Variants in SYN3 observed in about 807,000 individuals in gnomAD.
The protein encoded by SYN3 is synapsin III, also known as synapsin-3.
Under a neutral mutation model 65.8 loss-of-function variants are expected in SYN3, and 35 were observed. The observed-to-expected ratio is 0.53, with a 90% CI of 0.41 to 0.70. The LOEUF (loss-of-function observed/expected upper bound fraction) is 0.70, where lower values mean the gene tolerates loss of function less well. Among genes scored for constraint, SYN3 ranks in the 30% least tolerant of loss-of-function variants. SYN3 has a pLI of 0.00. For missense variants in SYN3, 680 were observed against 749.0 expected (o/e 0.91, Z 1.08); for synonymous variants, 270 against 292.9 (o/e 0.92, Z 0.80).
intron 6 of SYN3, among the ~76,000 whole-genome samples, chr22:32,717,326 T>C (rs904021577): frequency 5.3e-5 from 8 of 152,122 alleles, no homozygotes; most frequent in African/African-American, 1.7e-4. Flanking sequence ...GTCTCCTGGG[T>C]AGATGAAGGC....
intron 4 of SYN3, among the ~76,000 whole-genome samples, chr22:32,890,680 G>A (rs1273447518): frequency 3.3e-5 from 5 of 151,958 alleles, no homozygotes; most frequent in Non-Finnish European, 4.4e-5. Context: ...GCGCCCGGCC[G>A]ATTTAGCACA....
intron 7 of SYN3, among the ~76,000 whole-genome samples, chr22:32,568,726 T>C (rs560793437): frequency 3.9e-5 from 6 of 152,176 alleles, no homozygotes; most frequent in South Asian, 2.1e-4. Flanking sequence ...GGTAGGACTT[T>C]AGCATATAAC....
At chr22:33,019,651 TG>T (rs1411918280) in intron 1 of SYN3, among the ~76,000 whole-genome samples, 1 of 152,208 alleles carries the variant, frequency 6.6e-6, no homozygotes, top group African/African-American at 2.4e-5. Context: ...TGTTGTTGTT[TG>T]TTTTTGGTTT....
chr22:32,596,826 C>A, intron 6 of SYN3, 90 bp from the exon 7 acceptor site: 1 of 1,318,104 alleles, frequency 7.6e-7, no homozygotes. Flanking sequence ...AAGATCCATT[C>A]ATTTCATATG....
chr22:32,566,793 A>G (rs2058677509), intron 7 of SYN3, among the ~76,000 whole-genome samples: 1 of 152,184 alleles, frequency 6.6e-6, no homozygotes, highest in African/African-American at 2.4e-5. Context: ...TCAAATCTAA[A>G]TGAGACTTGA....
chr22:32,513,901 T>G, intron 13 of SYN3, 77 bp from the exon 14 acceptor site: 1 of 1,573,212 alleles, frequency 6.4e-7, no homozygotes, highest in Non-Finnish European at 8.7e-7. Context: ...GGCTTGCCTG[T>G]AAGCCAGATG....
At chr22:32,983,126 C>T (rs921566809) in intron 2 of SYN3, among the ~76,000 whole-genome samples, 21 of 152,126 alleles carry the variant, frequency 1.4e-4, no homozygotes, top group Admixed American at 1.2e-3. Flanking sequence ...GTGAACTGAG[C>T]ATTGTGTTAA....
chr22:32,644,071 C>A (rs2059946201), intron 6 of SYN3, among the ~76,000 whole-genome samples: 1 of 38,058 alleles, frequency 2.6e-5, no homozygotes, highest in Non-Finnish European at 4.2e-5. Context: ...GAGACTCTGC[C>A]TCAAAAAAAA....
chr22:32,919,093 C>A (rs543796395), intron 4 of SYN3, among the ~76,000 whole-genome samples: 2 of 152,292 alleles, frequency 1.3e-5, no homozygotes, highest in Admixed American at 6.5e-5. Context: ...ACATGCCAAG[C>A]CAAGGAAGTC....
At chr22:32,986,150 G>C (rs551982644) in intron 2 of SYN3, among the ~76,000 whole-genome samples, 1 of 151,936 alleles carries the variant, frequency 6.6e-6, no homozygotes. Context: ...ACAAATGTTC[G>C]CTGACCGGGT....
At chr22:32,935,249 T>C (rs2050737746) in intron 3 of SYN3, among the ~76,000 whole-genome samples, 2 of 151,700 alleles carry the variant, frequency 1.3e-5, no homozygotes, top group African/African-American at 2.4e-5. Flanking sequence ...AACATGCGCA[T>C]AGAAATCTGC....
intron 4 of SYN3, among the ~76,000 whole-genome samples, chr22:32,880,508 G>C (rs1263101734): frequency 6.6e-6 from 1 of 152,174 alleles, no homozygotes; most frequent in Non-Finnish European, 1.5e-5. Flanking sequence ...GTATCCCCAA[G>C]AGCAATCAGT....
At chr22:32,748,251 T>A (rs1174057685) in intron 6 of SYN3, among the ~76,000 whole-genome samples, 1 of 152,178 alleles carries the variant, frequency 6.6e-6, no homozygotes, top group Non-Finnish European at 1.5e-5. Context: ...TAGTAGATAC[T>A]TATAATTCTT....
intron 4 of SYN3, among the ~76,000 whole-genome samples, chr22:32,881,075 G>A (rs1381661478): frequency 6.6e-6 from 1 of 152,240 alleles, no homozygotes; most frequent in Non-Finnish European, 1.5e-5. Flanking sequence ...TCAGCAGCCT[G>A]CTCAGCGCTG....
chr22:32,830,235 C>T (rs1028740342), intron 6 of SYN3, among the ~76,000 whole-genome samples: 3 of 152,182 alleles, frequency 2.0e-5, no homozygotes, highest in Non-Finnish European at 4.4e-5. Flanking sequence ...GGGGGCCTCT[C>T]ACAAAACAGT....
In SYN3 at chr22:32,829,080, T is replaced by C. The variant is rs920056884; in HGVS notation, c.711+35835A>G. 2.0e-5 allele frequency among the ~76,000 whole-genome samples: 3 copies of C among 152,258 alleles called. No individual in the cohort carries two copies. In the South Asian group the frequency reaches 6.2e-4, roughly 32 times the overall value. Reference sequence around the variant, plus strand: ...ATGGAACCAGCTGAAACTGGCACCATTTCTACCCTCAGAGGGTACCGCTGA... The same window carrying C: ...ATGGAACCAGCTGAAACTGGCACCACTTCTACCCTCAGAGGGTACCGCTGA... On this transcript the variant is annotated intron_variant, in intron 6 of 13. Transcript: ENST00000358763.
At chr22:32,912,966 T>C (rs1263865576) in intron 4 of SYN3, among the ~76,000 whole-genome samples, 1 of 152,088 alleles carries the variant, frequency 6.6e-6, no homozygotes, top group African/African-American at 2.4e-5. Flanking sequence ...ACACTAAGAA[T>C]GAGCCCCAGT....
chr22:32,544,575 A>G (rs1209076361), intron 7 of SYN3, among the ~76,000 whole-genome samples: 1 of 152,208 alleles, frequency 6.6e-6, no homozygotes, highest in African/African-American at 2.4e-5. Flanking sequence ...AGCACCTGAA[A>G]TTAGTGAACT....
At chr22:32,710,018 T>C (rs2060934143) in intron 6 of SYN3, among the ~76,000 whole-genome samples, 1 of 151,140 alleles carries the variant, frequency 6.6e-6, no homozygotes, top group African/African-American at 2.4e-5. Flanking sequence ...CTGATTATTT[T>C]GGATACATTA....
Sources: allele counts gnomAD v4.1 joint callset (sites outside exome capture counted in the v4.1 genomes callset), GRCh38; gene constraint gnomAD v4.1.1; transcripts MANE v1.5; gene names NCBI Gene and HGNC (gene_info 2026-07-23, HGNC 2026-07-21).